The following ABCA5 variants were observed in gnomAD, a reference collection of about 807,000 sequenced individuals.
ABCA5 encodes ATP binding cassette subfamily A member 5.
In ABCA5, 163 loss-of-function variants were observed where a neutral mutation model predicts 206.0. That is an observed-to-expected ratio of 0.79 (90% CI 0.70 to 0.90). ABCA5 has a LOEUF of 0.90. Among genes scored for constraint, ABCA5 ranks in the 40% least tolerant of loss-of-function variants. ABCA5 has a pLI of 0.00. For missense variants in ABCA5, 1,859 were observed against 1,912.9 expected, an observed-to-expected ratio of 0.97 and a Z score of 0.53; for synonymous variants, 609 against 613.8, an observed-to-expected ratio of 0.99 and a Z score of 0.11.
At chr17:69,281,973 C>A (rs2075398612) in intron 18 of ABCA5, among the ~76,000 whole-genome samples, 2 of 152,132 alleles carry the variant, frequency 1.3e-5, no homozygotes, top group African/African-American at 4.8e-5. Context: ...CTCTCCTCAC[C>A]TGCCACTACA....
intron 1 of ABCA5, among the ~76,000 whole-genome samples, chr17:69,323,420 G>A (rs12940364): frequency 0.44 from 67,548 of 151,988 alleles, 15,855 homozygotes; most frequent in Non-Finnish European, 0.53. Context: ...CCACTTTGGA[G>A]CATTTACCTC....
chr17:69,261,739 G>A lies in ABCA5; in HGVS notation c.3325C>T (p.Leu1109Phe), dbSNP rs1395821611. Residue 1109 changes from leucine (L) to phenylalanine (F), a missense_variant, in exon 25 of 39, where the codon CTT becomes TTT. By Grantham distance (22) the Leu-to-Phe change is conservative (BLOSUM62 0). Coordinates refer to ENST00000392676, the MANE Select transcript of ABCA5 (RefSeq NM_172232.4). ...ATAACTGATGGAACATAACCAATAA[G>A]GCAAAAAACCTGTAAATCAGAAATA... ...TVKFLAVVFC[L>F]IGYVPSVILF... 1 of 1,412,648 alleles carries A rather than the reference G, an allele frequency of 7.1e-7. No individual in the cohort carries two copies. Among genetic ancestry groups the A allele is most frequent in the Non-Finnish European group, 9.4e-7 (1 of 1,059,576 alleles). The allele number at this position is 1,412,648 out of a possible 1,614,324, so 87.5% of individuals were successfully genotyped here.
Position 69,250,498 on chromosome 17 carries a change from A to T in ABCA5, c.4659T>A (p.Ile1553=), listed in dbSNP as rs761202660. 2 of 1,607,724 alleles carry T rather than the reference A, an allele frequency of 1.2e-6. No individual in the cohort carries two copies. The highest frequency in any genetic ancestry group is 3.4e-5 in the Admixed American group (2 of 58,472). Residue 1553 remains isoleucine (I), a synonymous_variant, in exon 36 of 39, where the codon ATT becomes ATA. Transcript: ENST00000392676. The stretch of plus-strand genomic sequence containing the variant: ...TTTCCTGACGGCTTGCATTTGGGAA[A>T]ATATACTGAATTTCTCTTTGAAGGC... ...VDRLQREIQY[I]FPNASRQESF...
intron 1 of ABCA5, among the ~76,000 whole-genome samples, chr17:69,323,648 G>A (rs570544294): frequency 6.6e-6 from 1 of 151,902 alleles, no homozygotes; most frequent in African/African-American, 2.4e-5. Flanking sequence ...TCTTGAACTT[G>A]ACCATGAGAT....
intron 1 of ABCA5, chr17:69,318,787 T>C (rs1286885530): frequency 7.2e-6 from 5 of 695,832 alleles, no homozygotes; most frequent in Admixed American, 7.1e-5. Flanking sequence ...AAAGTTATCA[T>C]TGAAAATTAA....
chr17:69,277,763 A>T lies in ABCA5; in HGVS notation c.2472T>A (p.Leu824=). 6.2e-7 allele frequency: 1 copy of T among 1,607,108 alleles called. No homozygotes were observed. The highest frequency in any genetic ancestry group is 8.5e-7 in the Non-Finnish European group (1 of 1,177,770). Residue 824 remains leucine, a synonymous_variant, in exon 19 of 39, where the codon CTT becomes CTA. Coordinates refer to ENST00000392676, the MANE Select transcript of ABCA5 (RefSeq NM_172232.4). ...KSFDEMEQSL[L]ILSETKAALV... is the part of the protein sequence containing the mutation. ...GAGCAGCCTTGGTTTCAGAAAGAAT[A>T]AGTAAGCTCTGTTCCATTTCATCAA...
rs999190166 is a variant in ABCA5 at position 69,256,245 on chromosome 17, T to C, written c.3770A>G (p.Glu1257Gly). The C allele has an allele frequency of 6.2e-7, 1 of 1,607,288 alleles. No homozygotes were observed. Among genetic ancestry groups the C allele is most frequent in the Non-Finnish European group, 8.5e-7 (1 of 1,176,174 alleles). ...STKSKNRKLP[E>G]PPDNEDEDED... ...ATCTTCATCCTCATTGTCTGGTGGT[T>C]CTGGAAGCTTCCTATTTTTAGACTT... is the stretch of plus-strand genomic sequence containing the variant. Residue 1257 changes from glutamate (E) to glycine (G), a missense_variant, in exon 29 of 39, where the codon GAA becomes GGA. Coordinates refer to ENST00000392676, the MANE Select transcript of ABCA5 (RefSeq NM_172232.4).
chr17:69,277,061 T>C (rs1437524030), intron 19 of ABCA5, among the ~76,000 whole-genome samples: 1 of 152,226 alleles, frequency 6.6e-6, no homozygotes, highest in African/African-American at 2.4e-5. Flanking sequence ...TTCCAAATTA[T>C]TCAGTTCCTA....
Position 69,314,368 on chromosome 17 carries a change from T to C in ABCA5, c.48A>G (p.Thr16=), listed in dbSNP as rs149855684. 149 of 1,613,924 alleles carry C rather than the reference T, an allele frequency of 9.2e-5. No homozygotes were observed. In the African/African-American group the frequency reaches 1.5e-3, roughly 17 times the overall value. ...REVGVWRQTR[T]LLLKNYLIKC... is the part of the protein sequence containing the mutation. ...TAATTAAGTAATTCTTCAGTAGAAG[T>C]GTTCTGGTCTGTCTCCAAACTCCTA... The change falls in exon 2 of 39, where the codon ACA becomes ACG. Residue 16 remains threonine, a synonymous_variant. Transcript: ENST00000392676.
intron 6 of ABCA5, 29 bp from the exon 7 acceptor site, chr17:69,304,839 G>A: frequency 2.6e-6 from 4 of 1,542,398 alleles, no homozygotes; most frequent in Admixed American, 4.2e-5. Context: ...TATAGTTATG[G>A]TCAAATGCAT....
Position 69,313,290 on chromosome 17 carries a change from G to GA in ABCA5, c.108dup (p.Leu37SerfsTer14). On this transcript the variant is annotated frameshift_variant, in exon 3 of 39. Coordinates refer to ENST00000392676, the MANE Select transcript of ABCA5 (RefSeq NM_172232.4). LOFTEE classifies it high-confidence loss of function. Reference sequence around the variant, plus strand: ...CAAAATAAAAAAAATAGTGGAAAAAGAATTTCCTACAATAAAAGAAACAAA... The same window carrying GA: ...CAAAATAAAAAAAATAGTGGAAAAAGAAATTTCCTACAATAAAAGAAACAAA... The GA allele has an allele frequency of 7.4e-7, 1 of 1,345,108 alleles. No homozygotes were observed. Among genetic ancestry groups the GA allele is most frequent in the Non-Finnish European group, 1.0e-6 (1 of 973,744 alleles). The allele number at this position is 1,345,108 out of a possible 1,614,324, so 83.3% of individuals were successfully genotyped here. A position where few individuals can be genotyped will look rare whatever the true frequency, so the allele number is the denominator to read the frequency against.
At chr17:69,270,553 T>C in intron 22 of ABCA5, 60 bp downstream of exon 22, 1 of 1,429,674 alleles carries the variant, frequency 7.0e-7, no homozygotes. Flanking sequence ...GCTTAGTTTT[T>C]AATGGTTATT....
At chr17:69,285,817 G>A (rs1198303619) in intron 17 of ABCA5, 81 bp downstream of exon 17, 1 of 1,399,616 alleles carries the variant, frequency 7.1e-7, no homozygotes, top group African/African-American at 1.5e-5. Context: ...CATGGAGAAG[G>A]AAACAAAAAG....
intron 35 of ABCA5, chr17:69,251,143 G>A (rs1420512386): frequency 6.5e-6 from 1 of 152,894 alleles, no homozygotes; most frequent in African/African-American, 2.4e-5. Flanking sequence ...CACAGCTGTA[G>A]TACTTTTTCC....
At position 69,261,740 on chromosome 17, in the gene ABCA5, G is replaced by A. The variant is rs1319386704; in HGVS notation, c.3324C>T (p.Cys1108=). ...YTVKFLAVVF[C]LIGYVPSVIL... is the part of the protein sequence containing the mutation. The stretch of plus-strand genomic sequence containing the variant: ...TAACTGATGGAACATAACCAATAAG[G>A]CAAAAAACCTGTAAATCAGAAATAT... The change falls in exon 25 of 39, where the codon TGC becomes TGT. Residue 1108 remains cysteine (C), a synonymous_variant. Coordinates refer to ENST00000392676, the MANE Select transcript of ABCA5 (RefSeq NM_172232.4). The A allele has an allele frequency of 4.3e-6, 6 of 1,391,234 alleles. No individual in the cohort carries two copies. The highest frequency in any genetic ancestry group is 2.7e-5 in the Admixed American group (1 of 36,932). 86.2% of individuals were successfully genotyped at this position (1,391,234 alleles called of 1,614,324 possible). A position where few individuals can be genotyped will look rare whatever the true frequency, so the allele number is the denominator to read the frequency against.
chr17:69,296,128 G>A (rs1474050021), intron 10 of ABCA5, among the ~76,000 whole-genome samples: 2 of 152,024 alleles, frequency 1.3e-5, no homozygotes, highest in Non-Finnish European at 2.9e-5. Context: ...TAAACCAGAT[G>A]TCATTTCATG....
At chr17:69,314,282 A>C in intron 2 of ABCA5, 32 bp downstream of exon 2, 1 of 1,453,356 alleles carries the variant, frequency 6.9e-7, no homozygotes, top group Non-Finnish European at 9.6e-7. Flanking sequence ...AATAAACTGC[A>C]AAAAAGCATA....
At position 69,277,675 on chromosome 17, in the gene ABCA5, T is replaced by C; in HGVS notation, c.2560A>G (p.Thr854Ala). Reference sequence around the variant, plus strand: ...ACTGATTTACTTTCACGTTTCAAGGTAAAGAAATGAAACTTTGCTATTGTA... The same window carrying C: ...ACTGATTTACTTTCACGTTTCAAGGCAAAGAAATGAAACTTTGCTATTGTA... ...MYTIAKFHFFTLKRESKSVRS... is the reference protein window; with the variant it reads ...MYTIAKFHFFALKRESKSVRS... Residue 854 changes from threonine (T) to alanine (A), a missense_variant, in exon 19 of 39, where the codon ACC (threonine) becomes GCC (alanine). Coordinates refer to ENST00000392676, the MANE Select transcript of ABCA5 (RefSeq NM_172232.4). 6.2e-7 allele frequency: 1 copy of C among 1,611,526 alleles called. No individual in the cohort carries two copies.
chr17:69,304,625 C>T, intron 7 of ABCA5, 44 bp downstream of exon 7: 1 of 1,458,636 alleles, frequency 6.9e-7, no homozygotes, highest in African/African-American at 1.4e-5. Flanking sequence ...TGTTATCAAA[C>T]ATTTTGACAG....
Sources: allele counts gnomAD v4.1 joint callset (sites outside exome capture counted in the v4.1 genomes callset), GRCh38; gene constraint gnomAD v4.1.1; transcripts MANE v1.5; gene names NCBI Gene and HGNC (gene_info 2026-07-23, HGNC 2026-07-21).